Variants in DLG2 observed in about 807,000 individuals in gnomAD.
DLG2 encodes discs large MAGUK scaffold protein 2.
DLG2 carries 45 observed loss-of-function variants against 132.5 expected under a neutral mutation model. The ratio of observed to expected loss-of-function variants is 0.34; its 90% confidence interval spans 0.27 to 0.44. The LOEUF (loss-of-function observed/expected upper bound fraction) is 0.44, where lower values mean the gene tolerates loss of function less well. DLG2 is among the 20% of genes least tolerant of loss of function. The pLI is 1.00. For synonymous variants in DLG2, 424 were observed against 419.6 expected (o/e 1.01, Z -0.13); for missense variants, 1,045 against 1,196.9 (o/e 0.87, Z 1.87).
At chr11:83,553,889 C>CTTTTTTTTTTTTTTTT (rs57434000) in intron 19 of DLG2, among the ~76,000 whole-genome samples, 1 of 142,888 alleles carries the variant, frequency 7.0e-6, no homozygotes, top group African/African-American at 2.6e-5. Context: ...ACAATCTTTT[C>CTTTTTTTTTTTTTTTT]TTTTTTTTTC....
chr11:84,459,662 T>A (rs2099075046), intron 7 of DLG2, among the ~76,000 whole-genome samples: 2 of 150,766 alleles, frequency 1.3e-5, no homozygotes. Context: ...TATTCATCTA[T>A]ATCCTGCATA....
At chr11:84,975,181 A>T (rs527469374) in intron 6 of DLG2, among the ~76,000 whole-genome samples, 5 of 152,334 alleles carry the variant, frequency 3.3e-5, no homozygotes, top group African/African-American at 9.6e-5. Context: ...TAAGTGGCAG[A>T]CTACTATTTA....
intron 7 of DLG2, among the ~76,000 whole-genome samples, chr11:84,297,987 T>G (rs1239871947): frequency 6.6e-6 from 1 of 152,130 alleles, no homozygotes; most frequent in East Asian, 1.9e-4. Context: ...AATACTTTCC[T>G]TACTTTAATG....
chr11:85,123,919 G>A (rs181691286), intron 5 of DLG2, among the ~76,000 whole-genome samples: 4 of 152,302 alleles, frequency 2.6e-5, no homozygotes, highest in African/African-American at 7.2e-5. Context: ...TCACCAGTAA[G>A]AGGCTATAAA....
intron 19 of DLG2, among the ~76,000 whole-genome samples, chr11:83,546,945 G>C (rs2096257513): frequency 6.6e-6 from 1 of 152,124 alleles, no homozygotes; most frequent in African/African-American, 2.4e-5. Flanking sequence ...CATCTATCAA[G>C]TGATGGGGCA....
In DLG2 at chr11:84,714,645, CTT is replaced by C. The variant is rs1436412656; in HGVS notation, c.358-179916_358-179915del. 2.7e-3 allele frequency among the ~76,000 whole-genome samples: 311 copies of C among 116,934 alleles called. 9 individuals carry two copies. The highest frequency in any genetic ancestry group is 6.9e-3 in the African/African-American group (187 of 27,214). 76.7% of individuals were successfully genotyped at this position (116,934 alleles called of 152,430 possible). A position where few individuals can be genotyped will look rare whatever the true frequency, so the allele number is the denominator to read the frequency against. ...TCTTTCTCTCTCTCTCTCTCTCTCT[CTT>C]TCTCTCTCTCTCTCTCTCTCTCTCT... On this transcript the variant is annotated intron_variant, in intron 6 of 27. Transcript: ENST00000376104.
At chr11:84,276,068 C>A (rs1269419971) in intron 7 of DLG2, among the ~76,000 whole-genome samples, 1 of 151,952 alleles carries the variant, frequency 6.6e-6, no homozygotes, top group African/African-American at 2.4e-5. Context: ...AAGATTTAGA[C>A]CAAATTTGAG....
Position 84,253,995 on chromosome 11 carries a change from T to C in DLG2, c.520-2704A>G, listed in dbSNP as rs929315651. ...GCCTAAGGATATTGCAGGTTAGACG[T>C]TGAACACAGTCTGGTGAAGCCTTAG... On this transcript the variant is annotated intron_variant, in intron 7 of 27. Coordinates refer to ENST00000376104, the MANE Select transcript of DLG2 (RefSeq NM_001142699.3). Among the ~76,000 whole-genome samples the C allele has an allele frequency of 5.9e-5, 9 of 152,148 alleles. No individual in the cohort carries two copies. The South Asian group carries it at 1.2e-3, about 21-fold the overall frequency.
intron 4 of DLG2, among the ~76,000 whole-genome samples, chr11:85,167,667 G>A (rs992357636): frequency 1.3e-5 from 2 of 152,000 alleles, no homozygotes; most frequent in Non-Finnish European, 2.9e-5. Flanking sequence ...CTGCATGGCT[G>A]CCCACTCTTC....
chr11:84,004,181 T>C (rs1479227023), intron 11 of DLG2, among the ~76,000 whole-genome samples: 2 of 151,956 alleles, frequency 1.3e-5, no homozygotes, highest in Non-Finnish European at 2.9e-5. Context: ...CTTCAAAAAA[T>C]CCTCAACAAA....
intron 3 of DLG2, among the ~76,000 whole-genome samples, chr11:85,481,331 G>T (rs1382390878): frequency 6.6e-6 from 1 of 152,154 alleles, no homozygotes; most frequent in Non-Finnish European, 1.5e-5. Context: ...CTCTCCCACA[G>T]AAACATCAAT....
At chr11:84,422,031 G>C (rs1464988294) in intron 7 of DLG2, among the ~76,000 whole-genome samples, 3 of 152,168 alleles carry the variant, frequency 2.0e-5, no homozygotes, top group Non-Finnish European at 4.4e-5. Context: ...AAATACACTT[G>C]AATTGTCATG....
chr11:83,697,343 T>A (rs1312487871), intron 18 of DLG2, among the ~76,000 whole-genome samples: 1 of 152,238 alleles, frequency 6.6e-6, no homozygotes, highest in Non-Finnish European at 1.5e-5. Flanking sequence ...TAGGAAAGAT[T>A]ACTTTTATGT....
chr11:84,400,973 C>T (rs1207999971), intron 7 of DLG2, among the ~76,000 whole-genome samples: 3 of 152,052 alleles, frequency 2.0e-5, no homozygotes, highest in African/African-American at 4.8e-5. Flanking sequence ...CTCCTCCTCC[C>T]CCTTTCTGCC....
intron 8 of DLG2, among the ~76,000 whole-genome samples, chr11:84,219,673 G>C (rs1032776889): frequency 2.6e-5 from 4 of 152,148 alleles, no homozygotes; most frequent in South Asian, 2.1e-4. Flanking sequence ...TTTTCAGCGA[G>C]TGGGAAATCT....
At chr11:84,644,468 G>A (rs1483113160) in intron 6 of DLG2, among the ~76,000 whole-genome samples, 1 of 151,738 alleles carries the variant, frequency 6.6e-6, no homozygotes, top group Non-Finnish European at 1.5e-5. Flanking sequence ...GCACTTTAGG[G>A]GACAGAGGCG....
chr11:83,970,272 C>A (rs1162450074), intron 12 of DLG2, among the ~76,000 whole-genome samples: 1 of 152,068 alleles, frequency 6.6e-6, no homozygotes, highest in Non-Finnish European at 1.5e-5. Context: ...GTGAAATGAT[C>A]CAGAAAATAT....
At chr11:84,387,456 A>G (rs1054768471) in intron 7 of DLG2, among the ~76,000 whole-genome samples, 2 of 152,068 alleles carry the variant, frequency 1.3e-5, no homozygotes, top group Non-Finnish European at 1.5e-5. Flanking sequence ...CAATCTCCTC[A>G]CAAAAAAATA....
chr11:85,375,402 T>A lies in DLG2; in HGVS notation c.41-90037A>T, dbSNP rs565784719. On this transcript the variant is annotated intron_variant, in intron 3 of 27. Transcript: ENST00000376104. ...AATCTAAAACTGCTCTTTTTTCGAC[T>A]GGGCATGGTGGCTCACGCCTAACCC... Among the ~76,000 whole-genome samples, 25 of 152,268 alleles carry A rather than the reference T, an allele frequency of 1.6e-4. No individual in the cohort carries two copies. In the East Asian group the frequency reaches 4.2e-3, roughly 26 times the overall value.
Sources: gnomAD v4.1 joint callset for allele counts (sites outside exome capture counted in the v4.1 genomes callset) on GRCh38, gnomAD v4.1.1 for gene constraint, MANE v1.5 for transcripts, NCBI Gene and HGNC (gene_info 2026-07-23, HGNC 2026-07-21) for gene names.